Variants in NBAS observed in about 807,000 individuals in gnomAD.
The protein encoded by NBAS is NAG/BC035112 fusion.
In NBAS, 219 loss-of-function variants were observed where a neutral mutation model predicts 302.5. That is an observed-to-expected ratio of 0.72 (90% CI 0.65 to 0.81). NBAS has a LOEUF of 0.81. Ranked by LOEUF, NBAS falls within the 30% of genes least tolerant of loss-of-function variation. The pLI is 0.00. For missense variants in NBAS, 2,932 were observed against 2,841.6 expected (o/e 1.03, Z -0.72); for synonymous variants, 1,118 against 1,021.6 (o/e 1.09, Z -1.80).
the NBAS span, among the ~76,000 whole-genome samples, chr2:14,869,481 T>C: frequency 6.6e-6 from 1 of 152,180 alleles, no homozygotes; most frequent in Non-Finnish European, 1.5e-5. Flanking sequence ...TCTGTGTCAC[T>C]TTCTCTACTC....
chr2:15,375,599 T>A (rs4140714), intron 30 of NBAS, among the ~76,000 whole-genome samples: 87,072 of 152,000 alleles, frequency 0.57, 26,451 homozygotes, highest in Non-Finnish European at 0.68. Flanking sequence ...GTGTGAAAGG[T>A]CTATAACCTC....
At chr2:15,146,236 A>G in the NBAS span, among the ~76,000 whole-genome samples, 1 of 152,110 alleles carries the variant, frequency 6.6e-6, no homozygotes, top group Non-Finnish European at 1.5e-5. Flanking sequence ...CCTATTTCAT[A>G]GAGTTGTGGT....
At chr2:15,085,425 G>A in the NBAS span, among the ~76,000 whole-genome samples, 1 of 152,130 alleles carries the variant, frequency 6.6e-6, no homozygotes, top group Admixed American at 6.5e-5. Context: ...CAGGCCTGGG[G>A]CCCGATCCCC....
chr2:15,400,010 C>G (rs1431467619), intron 26 of NBAS, among the ~76,000 whole-genome samples: 1 of 151,982 alleles, frequency 6.6e-6, no homozygotes, highest in Non-Finnish European at 1.5e-5. Flanking sequence ...TTAAAAAATA[C>G]CTCCCAGGCA....
chr2:14,942,019 C>T, the NBAS span, among the ~76,000 whole-genome samples: 29 of 152,244 alleles, frequency 1.9e-4, no homozygotes, highest in African/African-American at 6.3e-4. Flanking sequence ...AACTGCAAAC[C>T]GTTGAGTACC....
rs552149597 is a variant in NBAS, at chr2:15,198,953, C to T, written c.6433-8550G>A. Among the ~76,000 whole-genome samples, 34 of 151,840 alleles carry T rather than the reference C, an allele frequency of 2.2e-4. 2 individuals carry two copies. Among genetic ancestry groups the T allele is most frequent in the African/African-American group, 7.2e-4 (30 of 41,408 alleles). ...CATCCTGGTTAACATGGGGAAACCCCGTCTCTACTAAAAACACAAAAAATT... is the reference window on the plus strand; with the variant it reads ...CATCCTGGTTAACATGGGGAAACCCTGTCTCTACTAAAAACACAAAAAATT... On this transcript the variant is annotated intron_variant, in intron 48 of 51. Transcript: ENST00000281513.
chr2:15,280,038 T>C (rs2148068115), intron 42 of NBAS, among the ~76,000 whole-genome samples: 1 of 152,296 alleles, frequency 6.6e-6, no homozygotes, highest in East Asian at 1.9e-4. Flanking sequence ...GTTTTAGTTA[T>C]AAAGCAGCTT....
At chr2:15,487,894 T>C (rs978015241) in intron 12 of NBAS, among the ~76,000 whole-genome samples, 4 of 152,170 alleles carry the variant, frequency 2.6e-5, no homozygotes, top group African/African-American at 9.7e-5. Flanking sequence ...TAACTTCAAG[T>C]TGAATGGAAA....
At chr2:15,095,813 G>T in the NBAS span, among the ~76,000 whole-genome samples, 45 of 152,190 alleles carry the variant, frequency 3.0e-4, 1 homozygote, top group Non-Finnish European at 1.3e-4. Context: ...TGCAAGCTTG[G>T]CCTTAGTCAG....
chr2:14,929,157 A>G, the NBAS span, among the ~76,000 whole-genome samples: 1 of 152,158 alleles, frequency 6.6e-6, no homozygotes, highest in East Asian at 1.9e-4. Flanking sequence ...CCCATCCCAG[A>G]CTTACTGAAT....
Position 15,179,418 on chromosome 2 carries a change from C to T in NBAS, c.6712-302G>A, listed in dbSNP as rs1164205958. ...AATTTATTTTCCTAAACTCTCACAG[C>T]CCTAATTTCCTCATAAGTAAAATGT... is the stretch of plus-strand genomic sequence containing the variant. On this transcript the variant is annotated intron_variant, in intron 50 of 51. Transcript: ENST00000281513. The T allele has an allele frequency of 1.2e-5, 4 of 338,528 alleles. No individual in the cohort carries two copies. The East Asian group carries it at 2.5e-4, about 21-fold the overall frequency. 21.0% of individuals were successfully genotyped at this position (338,528 alleles called of 1,614,324 possible). A position where few individuals can be genotyped will look rare whatever the true frequency, so the allele number is the denominator to read the frequency against.
the NBAS span, among the ~76,000 whole-genome samples, chr2:15,088,921 C>G: frequency 1.7e-3 from 265 of 152,254 alleles, 2 homozygotes; most frequent in Admixed American, 2.8e-3. Flanking sequence ...TCAGACAGGG[C>G]TGTCTAGAGC....
At chr2:15,189,631 T>C (rs1376270631) in intron 49 of NBAS, among the ~76,000 whole-genome samples, 1 of 152,120 alleles carries the variant, frequency 6.6e-6, no homozygotes, top group Non-Finnish European at 1.5e-5. Flanking sequence ...CCATGGCTGA[T>C]ACCACCAGGA....
Position 15,352,078 on chromosome 2 carries a change from G to A in NBAS, c.4093C>T (p.Leu1365Phe), listed in dbSNP as rs1307718181. 5 of 1,604,114 alleles carry A rather than the reference G, an allele frequency of 3.1e-6. 1 individual carries two copies. The South Asian group carries it at 5.5e-5, about 18-fold the overall frequency. ...ATCTGGAAATTCACTCTTTGATAAA[G>A]AATCTAAAACAAGAATAGGCTATAT... ...AASSSLQTEILYQRVNFQIHH... is the reference protein window; with the variant it reads ...AASSSLQTEIFYQRVNFQIHH... The change falls in exon 35 of 52, where the codon CTT becomes TTT. Residue 1365 changes from leucine (L) to phenylalanine (F), a missense_variant. Transcript: ENST00000281513.
the NBAS span, among the ~76,000 whole-genome samples, chr2:15,016,035 A>C: frequency 6.6e-6 from 1 of 152,096 alleles, no homozygotes; most frequent in African/African-American, 2.4e-5. Context: ...TACAATAGCT[A>C]CCAAAAAAAA....
At chr2:14,928,546 A>C in the NBAS span, among the ~76,000 whole-genome samples, 1 of 152,208 alleles carries the variant, frequency 6.6e-6, no homozygotes, top group Non-Finnish European at 1.5e-5. Context: ...TATCATTTTA[A>C]TACAAATAAT....
chr2:14,800,785 G>GTTTTTTTTTTTTTTTTTTTT, the NBAS span, among the ~76,000 whole-genome samples: 2 of 129,526 alleles, frequency 1.5e-5, no homozygotes, highest in South Asian at 2.3e-4. Context: ...GATTTAAATT[G>GTTTTTTTTTTTTTTTTTTTT]TTTTTGTTTT....
intron 30 of NBAS, among the ~76,000 whole-genome samples, chr2:15,378,834 T>C (rs1464051135): frequency 1.3e-5 from 2 of 152,204 alleles, no homozygotes; most frequent in African/African-American, 2.4e-5. Flanking sequence ...TAAACCACTT[T>C]TCTGAAATGT....
chr2:15,183,916 C>A, intron 50 of NBAS, among the ~76,000 whole-genome samples: 1 of 152,256 alleles, frequency 6.6e-6, no homozygotes, highest in Non-Finnish European at 1.5e-5. Context: ...TCAAATGAGA[C>A]CCCTGCAAAT....
Sources: gnomAD v4.1 joint callset for allele counts (sites outside exome capture counted in the v4.1 genomes callset) on GRCh38, gnomAD v4.1.1 for gene constraint, MANE v1.5 for transcripts, NCBI Gene and HGNC (gene_info 2026-07-23, HGNC 2026-07-21) for gene names.